The following GPR161 variants were observed in gnomAD, a reference collection of about 807,000 sequenced individuals.
GPR161 encodes G protein-coupled receptor 161.
GPR161 carries 25 observed loss-of-function variants against 39.2 expected under a neutral mutation model. The ratio of observed to expected loss-of-function variants is 0.64; its 90% confidence interval spans 0.47 to 0.89. The LOEUF is 0.89. GPR161 is among the 40% of genes least tolerant of loss of function. The pLI, the probability that GPR161 is intolerant of heterozygous loss-of-function variation, is 0.00. For missense variants in GPR161, 547 were observed against 677.8 expected (o/e 0.81, Z 2.14); for synonymous variants, 286 against 276.6 (o/e 1.03, Z -0.34).
chr1:168,134,411 T>A (rs1374427972), intron 1 of GPR161, among the ~76,000 whole-genome samples: 1 of 152,086 alleles, frequency 6.6e-6, no homozygotes, highest in Non-Finnish European at 1.5e-5. Flanking sequence ...GAGTACTGGG[T>A]GAATGAATGA....
chr1:168,137,227 G>A, upstream of GPR161: 1 of 1,470,992 alleles, frequency 6.8e-7, no homozygotes, highest in Non-Finnish European at 9.0e-7. Flanking sequence ...GGCCTTCCCT[G>A]TTCCCGTTCC....
Position 168,113,295 on chromosome 1 carries a change from G to A in GPR161, c.-44-8401C>T, listed in dbSNP as rs558539345. On this transcript the variant is annotated intron_variant, in intron 1 of 5. Coordinates refer to ENST00000682931, the MANE Select transcript of GPR161 (RefSeq NM_001375883.1). ...GTAAATCACCTTGCACTGCTTCTCC[G>A]AGAAACATCTAGACAAAGGTTTTAA... Among the ~76,000 whole-genome samples the A allele has an allele frequency of 2.6e-5, 4 of 152,060 alleles. No homozygotes were observed. The South Asian group carries it at 6.2e-4, about 24-fold the overall frequency.
intron 5 of GPR161, among the ~76,000 whole-genome samples, chr1:168,087,126 G>A (rs999378439): frequency 6.6e-6 from 1 of 152,206 alleles, no homozygotes; most frequent in Non-Finnish European, 1.5e-5. Flanking sequence ...GGCTGCGGCA[G>A]AACTCATTCT....
intron 1 of GPR161, among the ~76,000 whole-genome samples, chr1:168,133,109 G>A (rs1699122549): frequency 6.6e-6 from 1 of 152,110 alleles, no homozygotes; most frequent in African/African-American, 2.4e-5. Flanking sequence ...ACAAAAACTG[G>A]TAAAATTAGT....
intron 1 of GPR161, among the ~76,000 whole-genome samples, chr1:168,135,639 A>G (rs1699297454): frequency 6.7e-6 from 1 of 148,826 alleles, no homozygotes; most frequent in South Asian, 2.1e-4. Context: ...TCCAGAACTC[A>G]TCTGGAGGTC....
chr1:168,084,534 T>C lies in GPR161; in HGVS notation c.*997A>G, dbSNP rs577468921. ...GGCTGTGGGTCCAGGGCTGCTTCTA[T>C]CTTATTTATACCAGGCTTGTGATAA... On this transcript the variant is annotated 3_prime_UTR_variant, in exon 6 of 6. Transcript: ENST00000682931. 2.2e-4 allele frequency: 77 copies of C among 345,548 alleles called. 1 individual carries two copies. The highest frequency in any genetic ancestry group is 1.5e-3 in the African/African-American group (69 of 46,522). 21.4% of individuals were successfully genotyped at this position (345,548 alleles called of 1,614,324 possible).
chr1:168,103,486 T>C (rs959602489), intron 2 of GPR161, among the ~76,000 whole-genome samples: 8 of 151,726 alleles, frequency 5.3e-5, no homozygotes, highest in Non-Finnish European at 1.0e-4. Context: ...TCATTGGTTC[T>C]GCCTCCCCAG....
intron 2 of GPR161, among the ~76,000 whole-genome samples, chr1:168,100,210 CAAAA>C (rs35900694): frequency 3.6e-5 from 2 of 54,820 alleles, no homozygotes; most frequent in African/African-American, 6.4e-5. Context: ...GACCCTGTCT[CAAAA>C]AAAAAAAAAA....
At position 168,083,223 on chromosome 1, in the gene GPR161, C is replaced by G. The variant is rs1558076506; in HGVS notation, c.*2308G>C. 6.6e-6 allele frequency: 1 copy of G among 152,216 alleles called. No individual in the cohort carries two copies. Among genetic ancestry groups the G allele is most frequent in the African/African-American group, 2.4e-5 (1 of 41,448 alleles). 9.4% of individuals were successfully genotyped at this position (152,216 alleles called of 1,614,324 possible). A position where few individuals can be genotyped will look rare whatever the true frequency, so the allele number is the denominator to read the frequency against. The stretch of plus-strand genomic sequence containing the variant: ...TGGATGTGCAGTGTCTGGTAGACGA[C>G]TAAATGAATTGGACCTCAGTAAAAA... On this transcript the variant is annotated 3_prime_UTR_variant, in exon 6 of 6. Coordinates refer to ENST00000682931, the MANE Select transcript of GPR161 (RefSeq NM_001375883.1).
At chr1:168,117,012 G>C (rs1012599826) in intron 1 of GPR161, among the ~76,000 whole-genome samples, 1 of 152,152 alleles carries the variant, frequency 6.6e-6, no homozygotes, top group Non-Finnish European at 1.5e-5. Context: ...ACAGATACAT[G>C]ATCAACTTGA....
chr1:168,117,976 A>T (rs1177438990), intron 1 of GPR161, among the ~76,000 whole-genome samples: 1 of 142,364 alleles, frequency 7.0e-6, no homozygotes, highest in Admixed American at 6.9e-5. Context: ...AATTTTATTT[A>T]AAAACAGAAA....
chr1:168,130,451 G>A (rs1226778056), intron 1 of GPR161, among the ~76,000 whole-genome samples: 1 of 152,138 alleles, frequency 6.6e-6, no homozygotes, highest in African/African-American at 2.4e-5. Context: ...TTAGCATGAA[G>A]AAAGGTCAAA....
At chr1:168,092,935 G>A (rs1695205955) in intron 3 of GPR161, among the ~76,000 whole-genome samples, 1 of 152,092 alleles carries the variant, frequency 6.6e-6, no homozygotes, top group African/African-American at 2.4e-5. Context: ...GGTGCCCCCT[G>A]ATACTGCCTG....
rs922945082 is a variant in GPR161, at chr1:168,098,663, C to A, written c.375-1431G>T. On this transcript the variant is annotated intron_variant, in intron 2 of 5. Coordinates refer to ENST00000682931, the MANE Select transcript of GPR161 (RefSeq NM_001375883.1). The surrounding 1 kb of genome is among the most constrained non-coding windows in gnomAD (Gnocchi z 4.1). ...TTCCTAAGCAGGGGTGAGCCTGGGGCTGCTCTGAGCTGAGCCTTGAGCCCA... is the reference window on the plus strand; with the variant it reads ...TTCCTAAGCAGGGGTGAGCCTGGGGATGCTCTGAGCTGAGCCTTGAGCCCA... 2.0e-5 allele frequency among the ~76,000 whole-genome samples: 3 copies of A among 152,226 alleles called. No individual in the cohort carries two copies. The highest frequency in any genetic ancestry group is 7.2e-5 in the African/African-American group (3 of 41,456).
rs114964712 is a variant in GPR161 at position 168,123,025 on chromosome 1, A to C, written c.-45+13714T>G. 5.5e-3 allele frequency among the ~76,000 whole-genome samples: 834 copies of C among 152,342 alleles called. 2 individuals carry two copies. The highest frequency in any genetic ancestry group is 0.029 in the South Asian group (140 of 4,828). ...AATGGGACACTAGACACCTTGACAC[A>C]CTAGGCATTTCTTGTTTACTCTGCA... On this transcript the variant is annotated intron_variant, in intron 1 of 5. Transcript: ENST00000682931.
chr1:168,096,628 A>G lies in GPR161; in HGVS notation c.979T>C (p.Trp327Arg), dbSNP rs927093932. The change falls in exon 3 of 6, where the codon TGG becomes CGG. Residue 327 changes from tryptophan to arginine, a missense_variant. Coordinates refer to ENST00000682931, the MANE Select transcript of GPR161 (RefSeq NM_001375883.1). ...AGTTCTTTGCGAACTGTCTTGTTCC[A>G]GAGTCCATAGATCAGGGGGTGGCAG... ...AVCHPLIYGL[W>R]NKTVRKELLG... The G allele has an allele frequency of 1.9e-6, 3 of 1,614,076 alleles. No individual in the cohort carries two copies. In the African/African-American group the frequency reaches 4.0e-5, roughly 22 times the overall value.
chr1:168,102,802 C>T (rs1696224604), intron 2 of GPR161, among the ~76,000 whole-genome samples: 1 of 151,020 alleles, frequency 6.6e-6, no homozygotes, highest in Admixed American at 6.6e-5. Context: ...TCCACGGGAC[C>T]CAGGGCCCAG....
chr1:168,085,863 C>A (rs552992142), intron 5 of GPR161, 67 bp from the exon 6 acceptor site: 2 of 1,396,666 alleles, frequency 1.4e-6, no homozygotes, highest in East Asian at 4.8e-5. Flanking sequence ...TGGGGACAAG[C>A]CTGCTGCTGC....
chr1:168,096,736 C>T lies in GPR161; in HGVS notation c.871G>A (p.Ala291Thr), dbSNP rs571151360. 5.3e-5 allele frequency: 85 copies of T among 1,614,014 alleles called. No homozygotes were observed. Among genetic ancestry groups the T allele is most frequent in the Middle Eastern group, 1.7e-4 (1 of 6,058 alleles). The change falls in exon 3 of 6, where the codon GCC becomes ACC. Residue 291 changes from alanine (A) to threonine (T), a missense_variant. Physicochemically the swap from Ala to Thr is moderately conservative, Grantham distance 58. Transcript: ENST00000682931. ...VTWGPYMVVI[A>T]SEALWGKSSV... ...CTTTTCCCCCAGAGGGCCTCAGAGG[C>T]GATGACAACCATGTAGGGGCCCCAG...
Sources: gnomAD v4.1 joint callset for allele counts (sites outside exome capture counted in the v4.1 genomes callset) on GRCh38, gnomAD v4.1.1 for gene constraint, Gnocchi (gnomAD v3.1) non-coding constraint, MANE v1.5 for transcripts, NCBI Gene and HGNC (gene_info 2026-07-23, HGNC 2026-07-21) for gene names.